The following ZZEF1 variants were observed in gnomAD, a reference collection of about 807,000 sequenced individuals.
ZZEF1 encodes the protein zinc finger ZZ-type and EF-hand domain-containing protein 1.
ZZEF1 carries 157 observed loss-of-function variants against 342.8 expected under a neutral mutation model. The observed-to-expected ratio is 0.46, with a 90% CI of 0.40 to 0.52. ZZEF1 has a LOEUF of 0.52. Among genes scored for constraint, ZZEF1 ranks in the 20% least tolerant of loss-of-function variants. The pLI, the probability that ZZEF1 is intolerant of heterozygous loss-of-function variation, is 0.00. For missense variants in ZZEF1, 3,480 were observed against 3,725.6 expected, an observed-to-expected ratio of 0.93 and a Z score of 1.72; for synonymous variants, 1,505 against 1,429.1, an observed-to-expected ratio of 1.05 and a Z score of -1.20.
At chr17:4,034,326 A>C in intron 39 of ZZEF1, 34 bp from the exon 40 acceptor site, 1 of 1,606,960 alleles carries the variant, frequency 6.2e-7, no homozygotes, top group African/African-American at 1.3e-5. Flanking sequence ...TGTTCAGTAC[A>C]AAATCCACAT....
intron 9 of ZZEF1, among the ~76,000 whole-genome samples, chr17:4,099,032 G>A (rs918020555): frequency 6.6e-5 from 10 of 152,142 alleles, no homozygotes; most frequent in African/African-American, 2.4e-4. Context: ...ATTTTAGTTA[G>A]TCTCAATGTA....
intron 2 of ZZEF1, 105 bp downstream of exon 2, chr17:4,123,802 T>C: frequency 1.5e-6 from 2 of 1,314,936 alleles, no homozygotes; most frequent in South Asian, 1.5e-5. Context: ...TAATGAACAC[T>C]GTTGGGGGAG....
intron 21 of ZZEF1, 79 bp from the exon 22 acceptor site, chr17:4,075,508 T>C (rs1048031401): frequency 1.3e-6 from 2 of 1,522,418 alleles, no homozygotes; most frequent in African/African-American, 2.7e-5. Context: ...TGTTTCTCTA[T>C]CAGTGCTCCA....
intron 2 of ZZEF1, among the ~76,000 whole-genome samples, chr17:4,119,284 T>G (rs1363998752): frequency 6.6e-6 from 1 of 152,234 alleles, no homozygotes; most frequent in Non-Finnish European, 1.5e-5. Flanking sequence ...CGGCCAAATA[T>G]GAGAGTTGAA....
intron 34 of ZZEF1, among the ~76,000 whole-genome samples, chr17:4,052,374 G>A (rs553873997): frequency 1.3e-5 from 2 of 152,282 alleles, no homozygotes; most frequent in East Asian, 3.9e-4. Context: ...GCATTATCAG[G>A]ACTGCTGTTT....
chr17:4,006,640 G>A lies in ZZEF1; in HGVS notation c.*250C>T. 2 of 534,848 alleles carry A rather than the reference G, an allele frequency of 3.7e-6. No individual in the cohort carries two copies. Among genetic ancestry groups the A allele is most frequent in the Non-Finnish European group, 3.4e-6 (1 of 296,448 alleles). 33.1% of individuals were successfully genotyped at this position (534,848 alleles called of 1,614,324 possible). On this transcript the variant is annotated 3_prime_UTR_variant, in exon 55 of 55. Transcript: ENST00000381638. ...AAGGCTGGTCTCTGAACCTTCTTAA[G>A]GGCCCCCTGCCCACCCTTTCTGAGG...
rs751629019 is a variant in ZZEF1 at position 4,019,761 on chromosome 17, A to G, written c.7413T>C (p.His2471=). Reference sequence around the variant, plus strand: ...TGTGCAGAGGGGCATTGAGGGCATCATGAGCCATCTGGAGGCCAGGGGAGG... The same window carrying G: ...TGTGCAGAGGGGCATTGAGGGCATCGTGAGCCATCTGGAGGCCAGGGGAGG... The part of the protein sequence containing the change: ...EPTRICFLMA[H]DALNAPLHIL... The change falls in exon 46 of 55, where the codon CAT becomes CAC. Residue 2471 remains histidine, a synonymous_variant. Transcript: ENST00000381638. 1 of 1,608,888 alleles carries G rather than the reference A, an allele frequency of 6.2e-7. No individual in the cohort carries two copies. Among genetic ancestry groups the G allele is most frequent in the South Asian group, 1.1e-5 (1 of 90,038 alleles).
At chr17:4,053,080 T>C (rs1373145270) in intron 34 of ZZEF1, among the ~76,000 whole-genome samples, 2 of 152,190 alleles carry the variant, frequency 1.3e-5, no homozygotes, top group South Asian at 2.1e-4. Context: ...CAGGCTCCCA[T>C]GCCTGTGTGA....
intron 1 of ZZEF1, among the ~76,000 whole-genome samples, chr17:4,127,922 G>A (rs2058597975): frequency 6.6e-6 from 1 of 152,308 alleles, no homozygotes; most frequent in Middle Eastern, 3.4e-3. Flanking sequence ...AGTTCATCTC[G>A]CTGTGAGTCC....
chr17:4,058,733 G>A (rs1463068714), intron 31 of ZZEF1, among the ~76,000 whole-genome samples: 2 of 152,050 alleles, frequency 1.3e-5, no homozygotes, highest in African/African-American at 2.4e-5. Context: ...AAAATTAGCC[G>A]GGCATGGTGG....
At chr17:4,133,804 C>G (rs2058706629) in intron 1 of ZZEF1, among the ~76,000 whole-genome samples, 1 of 152,016 alleles carries the variant, frequency 6.6e-6, no homozygotes, top group African/African-American at 2.4e-5. Context: ...TCACTGCAGC[C>G]TTGACCTCCT....
Position 4,016,111 on chromosome 17 carries a change from G to C in ZZEF1, c.8145+212C>G, listed in dbSNP as rs774648105. Among the ~76,000 whole-genome samples the C allele has an allele frequency of 1.3e-5, 2 of 152,220 alleles. No homozygotes were observed. Among genetic ancestry groups the C allele is most frequent in the African/African-American group, 4.8e-5 (2 of 41,452 alleles). Reference sequence around the variant, plus strand: ...ATTTTCTTCTATTAAAACAAGAAAAGTCCGGAGAAGAGAAGACTTGCTTGT... The same window carrying C: ...ATTTTCTTCTATTAAAACAAGAAAACTCCGGAGAAGAGAAGACTTGCTTGT... On this transcript the variant is annotated intron_variant, in intron 49 of 54. Coordinates refer to ENST00000381638, the MANE Select transcript of ZZEF1 (RefSeq NM_015113.4). The surrounding 1 kb of genome is among the most constrained non-coding windows in gnomAD (Gnocchi z 4.4).
At position 4,123,975 on chromosome 17, in the gene ZZEF1, C is replaced by A. The variant is rs771405770; in HGVS notation, c.431G>T (p.Ser144Ile). ...CAGCTCCCCCTGAAGATTAGCTCCA[C>A]TGGAATTCTTGAGGGCCTCCAACAT... ...ENMLEALKNS[S>I]GANLQGELSH... Residue 144 changes from serine (S) to isoleucine (I), a missense_variant, in exon 2 of 55, where the codon AGT (serine) becomes ATT (isoleucine). Ser to Ile is a moderately radical substitution (Grantham distance 142, BLOSUM62 -2). Coordinates refer to ENST00000381638, the MANE Select transcript of ZZEF1 (RefSeq NM_015113.4). The A allele has an allele frequency of 6.2e-7, 1 of 1,613,904 alleles. No homozygotes were observed. Among genetic ancestry groups the A allele is most frequent in the Admixed American group, 1.7e-5 (1 of 59,968 alleles).
chr17:4,042,402 C>A, intron 39 of ZZEF1, 27 bp downstream of exon 39: 3 of 1,599,758 alleles, frequency 1.9e-6, no homozygotes, highest in Non-Finnish European at 2.6e-6. Flanking sequence ...ACCACCACCC[C>A]CACTTTTAAA....
In ZZEF1 at chr17:4,092,177, T is replaced by C. The variant is rs533700591; in HGVS notation, c.1914-1347A>G. On this transcript the variant is annotated intron_variant, in intron 11 of 54. Coordinates refer to ENST00000381638, the MANE Select transcript of ZZEF1 (RefSeq NM_015113.4). ...CTAAAACTTTACACTATTCAGTCTG[T>C]GATATATAGCCACCAAGCTGGCGAC... Among the ~76,000 whole-genome samples the C allele has an allele frequency of 1.6e-4, 25 of 151,976 alleles. No homozygotes were observed. The East Asian group carries it at 4.8e-3, about 29-fold the overall frequency.
At position 4,013,592 on chromosome 17, in the gene ZZEF1, C is replaced by T. The variant is rs761064122; in HGVS notation, c.8436G>A (p.Met2812Ile). 4.3e-6 allele frequency: 7 copies of T among 1,612,870 alleles called. No homozygotes were observed. Among genetic ancestry groups the T allele is most frequent in the Non-Finnish European group, 5.9e-6 (7 of 1,179,320 alleles). ...GAGGCACGACCCTTTCTTCTGACAA[C>T]ATCTGCTTCAAAATCTCGAATCCTG... ...FQTGFEILKQ[M>I]LSEERVVPHL... Residue 2812 changes from methionine (M) to isoleucine (I), a missense_variant, in exon 52 of 55, where the codon ATG (methionine) becomes ATA (isoleucine). This residue lies in a region of ZZEF1 where 1,269 missense variants were observed against 1,342.4 expected (regional missense o/e 0.95). Coordinates refer to ENST00000381638, the MANE Select transcript of ZZEF1 (RefSeq NM_015113.4).
At position 4,029,828 on chromosome 17, in the gene ZZEF1, C is replaced by G. The variant is rs552444867; in HGVS notation, c.6892+2298G>C. Among the ~76,000 whole-genome samples the G allele has an allele frequency of 4.0e-4, 58 of 143,414 alleles. 3 individuals carry two copies. In the South Asian group the frequency reaches 0.013, roughly 32 times the overall value. 94.1% of individuals were successfully genotyped at this position (143,414 alleles called of 152,430 possible). On this transcript the variant is annotated intron_variant, in intron 42 of 54. Coordinates refer to ENST00000381638, the MANE Select transcript of ZZEF1 (RefSeq NM_015113.4). ...GGTGGAGGTTGCATTGAGCTGAGAT[C>G]ATGCCAATGCACTCCAGCCTGGGCA...
intron 41 of ZZEF1, 110 bp from the exon 42 acceptor site, chr17:4,032,368 C>T (rs531086026): frequency 2.3e-4 from 277 of 1,198,598 alleles, no homozygotes; most frequent in Non-Finnish European, 3.0e-4. Flanking sequence ...TCAACAAGCA[C>T]GCAAGGATAG....
chr17:4,067,178 C>G lies in ZZEF1; in HGVS notation c.4140G>C (p.Gly1380=). 1 of 1,612,926 alleles carries G rather than the reference C, an allele frequency of 6.2e-7. No individual in the cohort carries two copies. Among genetic ancestry groups the G allele is most frequent in the Non-Finnish European group, 8.5e-7 (1 of 1,179,552 alleles). Residue 1380 remains glycine (G), a synonymous_variant, in exon 27 of 55, where the codon GGG becomes GGC. Transcript: ENST00000381638. ...AAAATCTTACCATCCATATTCGAATCCCATCTGCCAAGGAATAAACCTGGG... is the reference window on the plus strand; with the variant it reads ...AAAATCTTACCATCCATATTCGAATGCCATCTGCCAAGGAATAAACCTGGG... The part of the protein sequence containing the change: ...EFAQVYSLAD[G]IRIWMLEMKQ...
Sources: gnomAD v4.1 joint callset for allele counts (sites outside exome capture counted in the v4.1 genomes callset) on GRCh38, gnomAD v4.1.1 for gene constraint, gnomAD v4.1.1 regional missense constraint, Gnocchi (gnomAD v3.1) non-coding constraint, MANE v1.5 for transcripts, NCBI Gene and HGNC (gene_info 2026-07-23, HGNC 2026-07-21) for gene names.